The following CCDC191 variants were observed in gnomAD, a reference collection of about 807,000 sequenced individuals.
CCDC191 encodes the protein coiled-coil domain-containing protein 191.
A neutral mutation model predicts 114.0 loss-of-function variants in CCDC191; 99 were observed. The observed-to-expected ratio is 0.87, with a 90% CI of 0.74 to 1.03. The LOEUF is 1.03. Ranked by LOEUF, CCDC191 falls within the 50% of genes least tolerant of loss-of-function variation. CCDC191 has a pLI of 0.00. For synonymous variants in CCDC191, 351 were observed against 376.0 expected (o/e 0.93, Z 0.77); for missense variants, 973 against 1,087.0 (o/e 0.90, Z 1.47).
rs761695639 is a variant in CCDC191 at position 113,978,978 on chromosome 3, C to T, written c.2340G>A (p.Gln780=). The T allele has an allele frequency of 6.2e-7, 1 of 1,613,896 alleles. No homozygotes were observed. The highest frequency in any genetic ancestry group is 2.2e-5 in the East Asian group (1 of 44,890). The change falls in exon 15 of 17, where the codon CAG becomes CAA. Residue 780 remains glutamine (Q), a synonymous_variant. Coordinates refer to ENST00000295878, the MANE Select transcript of CCDC191 (RefSeq NM_020817.2). ...VAEEHYSLFL[Q]RKYMLTWFQR... is the part of the protein sequence containing the mutation. The stretch of plus-strand genomic sequence containing the variant: ...GGAACCACGTCAGCATGTATTTCCT[C>T]TGCAGGAACAAAGAGTAATGTTCTT...
chr3:114,052,494 A>T (rs2076710308), intron 2 of CCDC191, among the ~76,000 whole-genome samples: 1 of 152,124 alleles, frequency 6.6e-6, no homozygotes, highest in African/African-American at 2.4e-5. Context: ...ATGATGGTAG[A>T]TCCACTTTAG....
At chr3:114,017,393 G>A (rs1276930794) in intron 8 of CCDC191, among the ~76,000 whole-genome samples, 4 of 152,140 alleles carry the variant, frequency 2.6e-5, no homozygotes, top group Non-Finnish European at 1.5e-5. Context: ...GCAGCAGATG[G>A]AGATGTATTA....
intron 13 of CCDC191, among the ~76,000 whole-genome samples, chr3:114,000,211 C>T (rs2075827856): frequency 6.6e-6 from 1 of 152,210 alleles, no homozygotes; most frequent in Admixed American, 6.5e-5. Flanking sequence ...ATTGCCCTCA[C>T]TAATGTTGGT....
At chr3:114,002,939 C>G (rs922688936) in intron 11 of CCDC191, 2 of 983,392 alleles carry the variant, frequency 2.0e-6, no homozygotes, top group Non-Finnish European at 2.4e-6. Flanking sequence ...TAGAATCGTT[C>G]CTCAAATCCT....
At chr3:114,008,192 T>C (rs1035962719) in intron 9 of CCDC191, among the ~76,000 whole-genome samples, 1 of 149,452 alleles carries the variant, frequency 6.7e-6, no homozygotes, top group East Asian at 1.9e-4. Flanking sequence ...TTTTTTTTTT[T>C]CATTTAAGAA....
Position 114,046,738 on chromosome 3 carries a change from A to G in CCDC191, c.130-6T>C, listed in dbSNP as rs574502373. 24 of 1,575,642 alleles carry G rather than the reference A, an allele frequency of 1.5e-5. No individual in the cohort carries two copies. The East Asian group carries it at 2.0e-4, about 13-fold the overall frequency. ...TCTGAGGCTTTCTCCACTCTCTTCA[A>G]TATAACAGAAAAAAAAATCCATAAA... On this transcript the variant is annotated splice_region_variant and splice_polypyrimidine_tract_variant and intron_variant, in intron 2 of 16. Transcript: ENST00000295878.
chr3:114,053,665 C>G, intron 1 of CCDC191, 30 bp from the exon 2 acceptor site: 8 of 1,496,214 alleles, frequency 5.3e-6, no homozygotes, highest in Non-Finnish European at 6.5e-6. Flanking sequence ...GATATCAATA[C>G]GCAGCAATAT....
intron 13 of CCDC191, among the ~76,000 whole-genome samples, chr3:113,993,669 G>T (rs893437711): frequency 4.6e-5 from 7 of 152,078 alleles, no homozygotes; most frequent in Non-Finnish European, 1.0e-4. Context: ...TGGATCACTT[G>T]AGGTCAGGAG....
chr3:114,016,158 A>G lies in CCDC191; in HGVS notation c.1163+2520T>C, dbSNP rs191707069. ...ATTTAAATAACGAACATAATAAGTA[A>G]TTTCAATGTCCAGGTGAGTGAACCA... On this transcript the variant is annotated intron_variant, in intron 8 of 16. Coordinates refer to ENST00000295878, the MANE Select transcript of CCDC191 (RefSeq NM_020817.2). Among the ~76,000 whole-genome samples the G allele has an allele frequency of 2.0e-5, 3 of 152,332 alleles. No individual in the cohort carries two copies. The East Asian group carries it at 5.8e-4, about 29-fold the overall frequency.
At chr3:114,046,556 T>C (rs753008177) in intron 3 of CCDC191, 35 bp downstream of exon 3, 63 of 1,244,948 alleles carry the variant, frequency 5.1e-5, no homozygotes, top group East Asian at 7.0e-5. Context: ...GCTTTAAGAA[T>C]TGTTAACATC....
At chr3:114,003,759 C>A in intron 11 of CCDC191, 6 of 985,402 alleles carry the variant, frequency 6.1e-6, no homozygotes, top group Non-Finnish European at 7.2e-6. Flanking sequence ...GAATTGACTG[C>A]AGGCACAGTG....
chr3:114,007,446 G>C (rs2075990665), intron 9 of CCDC191, among the ~76,000 whole-genome samples: 1 of 152,172 alleles, frequency 6.6e-6, no homozygotes, highest in South Asian at 2.1e-4. Flanking sequence ...ACTTTTAAAA[G>C]TAACCTTTTA....
At chr3:114,024,618 C>T (rs982650488) in intron 7 of CCDC191, among the ~76,000 whole-genome samples, 1 of 151,888 alleles carries the variant, frequency 6.6e-6, no homozygotes, top group Non-Finnish European at 1.5e-5. Flanking sequence ...CCAAACACCG[C>T]ATGTTCTCAC....
chr3:114,038,147 T>C (rs1211992677), intron 4 of CCDC191, among the ~76,000 whole-genome samples: 4 of 152,234 alleles, frequency 2.6e-5, no homozygotes, highest in Non-Finnish European at 5.9e-5. Context: ...ATTTAAGCCA[T>C]TTTAAGATAT....
At chr3:113,972,632 T>G (rs1940937279) in intron 16 of CCDC191, among the ~76,000 whole-genome samples, 1 of 152,198 alleles carries the variant, frequency 6.6e-6, no homozygotes, top group African/African-American at 2.4e-5. Context: ...TTGCTGATTT[T>G]CTTCTGGATA....
intron 8 of CCDC191, among the ~76,000 whole-genome samples, chr3:114,016,533 T>C (rs982787466): frequency 6.6e-6 from 1 of 152,326 alleles, no homozygotes; most frequent in Non-Finnish European, 1.5e-5. Flanking sequence ...TCTAAAGCTT[T>C]ATAGTAAAAA....
Position 114,046,700 on chromosome 3 carries a change from T to C in CCDC191, c.162A>G (p.Ser54=), listed in dbSNP as rs1157884372. ...RVEKASEFAV[S]NAFFTRNSDL... Reference sequence around the variant, plus strand: ...CTGAATTTCTAGTAAAAAATGCATTTGACACTGCAAACTCTGAGGCTTTCT... The same window carrying C: ...CTGAATTTCTAGTAAAAAATGCATTCGACACTGCAAACTCTGAGGCTTTCT... Residue 54 remains serine, a synonymous_variant, in exon 3 of 17, where the codon TCA becomes TCG. Coordinates refer to ENST00000295878, the MANE Select transcript of CCDC191 (RefSeq NM_020817.2). 6.2e-7 allele frequency: 1 copy of C among 1,612,370 alleles called. No homozygotes were observed.
rs1463587905 is a variant in CCDC191 at position 113,964,400 on chromosome 3, A to G, written c.*755T>C. On this transcript the variant is annotated 3_prime_UTR_variant, in exon 17 of 17. Transcript: ENST00000295878. ...GATGAAAACATTCTTTGAATTCAAG[A>G]TAGGTATCTCAATATCTAGATCAAA... The G allele has an allele frequency of 6.6e-6, 1 of 152,232 alleles. No individual in the cohort carries two copies. Among genetic ancestry groups the G allele is most frequent in the Non-Finnish European group, 1.5e-5 (1 of 68,042 alleles). 9.4% of individuals were successfully genotyped at this position (152,232 alleles called of 1,614,324 possible).
At position 113,965,067 on chromosome 3, in the gene CCDC191, G is replaced by A. The variant is rs1939971390; in HGVS notation, c.*88C>T. On this transcript the variant is annotated 3_prime_UTR_variant, in exon 17 of 17. Coordinates refer to ENST00000295878, the MANE Select transcript of CCDC191 (RefSeq NM_020817.2). ...AAGTAGCTCGTAGAGAATAAACCAG[G>A]TGTATGTATGTATGTGTGTGGGTGG... is the stretch of plus-strand genomic sequence containing the variant. The A allele has an allele frequency of 1.5e-6, 1 of 664,102 alleles. No homozygotes were observed. The highest frequency in any genetic ancestry group is 2.5e-6 in the Non-Finnish European group (1 of 405,020). 41.1% of individuals were successfully genotyped at this position (664,102 alleles called of 1,614,324 possible). A position where few individuals can be genotyped will look rare whatever the true frequency, so the allele number is the denominator to read the frequency against.
Sources: gnomAD v4.1 joint callset for allele counts (sites outside exome capture counted in the v4.1 genomes callset) on GRCh38, gnomAD v4.1.1 for gene constraint, MANE v1.5 for transcripts, NCBI Gene and HGNC (gene_info 2026-07-23, HGNC 2026-07-21) for gene names.